FAM170A: variants seen among roughly 807,000 people sequenced by gnomAD.
FAM170A encodes family with sequence similarity 170 member A, also known as protein FAM170A.
Under a neutral mutation model 36.6 loss-of-function variants are expected in FAM170A, and 28 were observed. The observed-to-expected ratio is 0.76, with a 90% CI of 0.57 to 1.05. The LOEUF (loss-of-function observed/expected upper bound fraction) is 1.05, where lower values mean the gene tolerates loss of function less well. Ranked by LOEUF, FAM170A falls within the 50% of genes least tolerant of loss-of-function variation. The pLI, the probability that FAM170A is intolerant of heterozygous loss-of-function variation, is 0.00. For synonymous variants in FAM170A, 156 were observed against 143.9 expected, an observed-to-expected ratio of 1.08 and a Z score of -0.60; for missense variants, 434 against 396.5, an observed-to-expected ratio of 1.09 and a Z score of -0.80.
rs566519691 is a variant in FAM170A, at chr5:119,635,408, AG to A, written c.*53-290del. Reference sequence around the variant, plus strand: ...AAGGACAGGATGCCAGCAAGATCAGAGGTGTGGAGTCTGAGAGCCTTTGGCC... The same window carrying A: ...AAGGACAGGATGCCAGCAAGATCAGAGTGTGGAGTCTGAGAGCCTTTGGCC... On this transcript the variant is annotated intron_variant, in intron 4 of 4. Transcript: ENST00000613773. Among the ~76,000 whole-genome samples the A allele has an allele frequency of 2.6e-3, 401 of 152,318 alleles. 3 individuals carry two copies. Among genetic ancestry groups the A allele is most frequent in the African/African-American group, 8.9e-3 (369 of 41,564 alleles).
rs944552778 is a variant in FAM170A, at chr5:119,631,173, A to G, written c.70+1335A>G. Among the ~76,000 whole-genome samples the G allele has an allele frequency of 5.3e-5, 8 of 152,206 alleles. No homozygotes were observed. The East Asian group carries it at 7.7e-4, about 15-fold the overall frequency. On this transcript the variant is annotated intron_variant, in intron 1 of 4. Coordinates refer to ENST00000613773, the Ensembl canonical transcript of FAM170A. ...AAAGGGGGATGCTCACATGCAGGAG[A>G]CAGGGCAGAAAGGAGCCTGCCCCAG...
chr5:119,634,273 T>G, exon 3 of FAM170A: 4 of 1,614,172 alleles, frequency 2.5e-6, no homozygotes, highest in Non-Finnish European at 3.4e-6. Flanking sequence ...CCCCCTCTGA[T>G]GTGTCCACCA....
Position 119,632,743 on chromosome 5 carries a change from C to T in FAM170A, c.71-5C>T. On this transcript the variant is annotated splice_polypyrimidine_tract_variant and splice_region_variant and intron_variant, in intron 1 of 4. Transcript: ENST00000613773. ...ATATCTCTGTTCCCTTCATACCTTT[C>T]TCAGGAATGTCAAAGTCCCAAGAGG... The T allele has an allele frequency of 6.3e-7, 1 of 1,579,952 alleles. No homozygotes were observed. The highest frequency in any genetic ancestry group is 2.3e-5 in the East Asian group (1 of 44,176).
intron 2 of FAM170A, among the ~76,000 whole-genome samples, chr5:119,633,274 G>T (rs990818011): frequency 6.6e-6 from 1 of 152,160 alleles, no homozygotes; most frequent in East Asian, 1.9e-4. Flanking sequence ...AGTTGGATAT[G>T]ATCAGAGCTC....
chr5:119,634,701 C>T (rs1756341858), exon 3 of FAM170A: 3 of 1,552,820 alleles, frequency 1.9e-6, no homozygotes, highest in Admixed American at 1.9e-5. Flanking sequence ...AGCCAATGTC[C>T]AGGCTGTGTG....
chr5:119,635,805 G>A lies in FAM170A; in HGVS notation c.*158G>A, dbSNP rs115362250. ...CATGTAAACATCATACGTAATAAAG[G>A]TTGTGTTTCAAACCTTACCTGGATA... On this transcript the variant is annotated 3_prime_UTR_variant, in exon 5 of 5. Transcript: ENST00000613773. The A allele has an allele frequency of 2.8e-3, 426 of 154,158 alleles. 2 individuals carry two copies. The highest frequency in any genetic ancestry group is 9.6e-3 in the African/African-American group (399 of 41,546). 9.5% of individuals were successfully genotyped at this position (154,158 alleles called of 1,614,324 possible). A position where few individuals can be genotyped will look rare whatever the true frequency, so the allele number is the denominator to read the frequency against.
At position 119,634,362 on chromosome 5, in the gene FAM170A, G is replaced by A. The variant is rs1260086970; in HGVS notation, c.614G>A (p.Gly205Asp). The A allele has an allele frequency of 6.2e-7, 1 of 1,614,060 alleles. No individual in the cohort carries two copies. Among genetic ancestry groups the A allele is most frequent in the Non-Finnish European group, 8.5e-7 (1 of 1,180,030 alleles). Residue 205 changes from glycine (G) to aspartate (D), a missense_variant, in exon 3 of 5, where the codon GGC becomes GAC. Gly to Asp is a moderately conservative substitution (Grantham distance 94). Coordinates refer to ENST00000613773, the Ensembl canonical transcript of FAM170A. Reference sequence around the variant, plus strand: ...AGGACAGAATCAGACAGCCTGCCAGGCTCACCCACCGTTGAGGACACACCC... The same window carrying A: ...AGGACAGAATCAGACAGCCTGCCAGACTCACCCACCGTTGAGGACACACCC...
chr5:119,635,002 C>A, intron 3 of FAM170A, 26 bp from the exon 4 acceptor site: 1 of 1,613,826 alleles, frequency 6.2e-7, no homozygotes, highest in African/African-American at 1.3e-5. Flanking sequence ...TAAGAAGTGT[C>A]TTTCTTTGGT....
At chr5:119,630,259 A>G (rs113065668) in intron 1 of FAM170A, among the ~76,000 whole-genome samples, 10,803 of 136,280 alleles carry the variant, frequency 0.079, 1,364 homozygotes, top group African/African-American at 0.28. Context: ...GGTTCACGCC[A>G]TTCACCTGCC....
chr5:119,634,016 C>G (rs1366343070), exon 3 of FAM170A: 1 of 1,614,066 alleles, frequency 6.2e-7, no homozygotes, highest in African/African-American at 1.3e-5. Context: ...GGCCCAGGTT[C>G]AGGAACGAGG....
chr5:119,632,794 A>C (rs1159362890), exon 2 of FAM170A: 34 of 1,612,504 alleles, frequency 2.1e-5, no homozygotes, highest in Non-Finnish European at 2.8e-5. Flanking sequence ...GATCCACTAG[A>C]GTGGCCAAAG....
At chr5:119,631,271 G>C (rs892572772) in intron 1 of FAM170A, among the ~76,000 whole-genome samples, 2 of 152,166 alleles carry the variant, frequency 1.3e-5, no homozygotes, top group Non-Finnish European at 2.9e-5. Context: ...TGTAGGTTGA[G>C]CCCTGGGAAT....
chr5:119,632,915 G>T, intron 2 of FAM170A, 27 bp downstream of exon 2: 1 of 1,553,844 alleles, frequency 6.4e-7, no homozygotes, highest in South Asian at 1.2e-5. Context: ...CCTTCGGCAC[G>T]TGGCTCCTTG....
chr5:119,634,598 A>G (rs1335648705), exon 3 of FAM170A: 1 of 1,613,274 alleles, frequency 6.2e-7, no homozygotes, highest in Admixed American at 1.7e-5. Flanking sequence ...GGAGGAGGAA[A>G]ATGGAAATGA....
chr5:119,631,740 G>A (rs1469052959), intron 1 of FAM170A, among the ~76,000 whole-genome samples: 4 of 152,066 alleles, frequency 2.6e-5, no homozygotes, highest in East Asian at 1.9e-4. Flanking sequence ...GAGTGTGTGT[G>A]TGTGTCTCCT....
chr5:119,635,133 C>T (rs747867233), intron 4 of FAM170A, 47 bp downstream of exon 4: 9 of 1,391,286 alleles, frequency 6.5e-6, no homozygotes, highest in Non-Finnish European at 9.2e-6. Flanking sequence ...TGTGAGGGCC[C>T]AGAGGAATCC....
intron 1 of FAM170A, among the ~76,000 whole-genome samples, chr5:119,631,529 C>G (rs1756251243): frequency 6.6e-6 from 1 of 152,122 alleles, no homozygotes; most frequent in African/African-American, 2.4e-5. Flanking sequence ...ATACACATAA[C>G]AGTGTATACC....
chr5:119,631,820 T>C (rs1756258100), intron 1 of FAM170A, among the ~76,000 whole-genome samples: 1 of 152,138 alleles, frequency 6.6e-6, no homozygotes, highest in Non-Finnish European at 1.5e-5. Context: ...TCACACATCA[T>C]ACATGCCATA....
chr5:119,634,085 T>A, exon 3 of FAM170A: 1 of 1,614,100 alleles, frequency 6.2e-7, no homozygotes, highest in Non-Finnish European at 8.5e-7. Context: ...CTATAAGACT[T>A]GTGTGTCCTC....
Sources: gnomAD v4.1 joint callset for allele counts (sites outside exome capture counted in the v4.1 genomes callset) on GRCh38, gnomAD v4.1.1 for gene constraint, MANE v1.5 for transcripts, NCBI Gene and HGNC (gene_info 2026-07-23, HGNC 2026-07-21) for gene names.